CDK14: variants seen among roughly 807,000 people sequenced by gnomAD.
CDK14 encodes cyclin dependent kinase 14, also known as cyclin-dependent kinase 14.
Under a neutral mutation model 60.7 loss-of-function variants are expected in CDK14, and 34 were observed. That is an observed-to-expected ratio of 0.56 (90% confidence interval 0.43 to 0.75). The LOEUF (loss-of-function observed/expected upper bound fraction) is 0.75. Among genes scored for constraint, CDK14 ranks in the 30% least tolerant of loss-of-function variants. The pLI is 0.00. For missense variants in CDK14, 482 were observed against 564.1 expected (o/e 0.85, Z 1.47); for synonymous variants, 197 against 203.7 (o/e 0.97, Z 0.28).
chr7:90,722,627 T>TC (rs975545912), intron 2 of CDK14, among the ~76,000 whole-genome samples: 26 of 151,808 alleles, frequency 1.7e-4, no homozygotes, highest in Non-Finnish European at 4.4e-5. Flanking sequence ...AAATTTTTTT[T>TC]TTCTCAAAAA....
intron 6 of CDK14, among the ~76,000 whole-genome samples, chr7:90,865,289 G>A (rs1791140150): frequency 6.6e-6 from 1 of 152,086 alleles, no homozygotes. Context: ...CATTTAGGGT[G>A]GGAAGGTGTA....
At chr7:91,021,964 G>A (rs571478453) in intron 10 of CDK14, among the ~76,000 whole-genome samples, 1 of 152,286 alleles carries the variant, frequency 6.6e-6, no homozygotes, top group East Asian at 1.9e-4. Context: ...AACTAGGACA[G>A]TTCAGCCCCT....
At chr7:90,994,879 A>T (rs978369020) in intron 10 of CDK14, among the ~76,000 whole-genome samples, 1 of 152,158 alleles carries the variant, frequency 6.6e-6, no homozygotes, top group Non-Finnish European at 1.5e-5. Flanking sequence ...CAGATTCCCT[A>T]AATGTTCTCC....
At chr7:90,791,615 A>T (rs577397831) in intron 5 of CDK14, among the ~76,000 whole-genome samples, 1 of 152,118 alleles carries the variant, frequency 6.6e-6, no homozygotes, top group African/African-American at 2.4e-5. Context: ...ATTTTTGAAA[A>T]TCTTGTTTCT....
At chr7:91,059,339 T>A (rs1025533910) in intron 11 of CDK14, among the ~76,000 whole-genome samples, 9 of 152,192 alleles carry the variant, frequency 5.9e-5, no homozygotes, top group Non-Finnish European at 1.3e-4. Flanking sequence ...ATTTTGTTGA[T>A]CTTTTCAAAA....
intron 7 of CDK14, among the ~76,000 whole-genome samples, chr7:90,904,324 G>A (rs1382330444): frequency 1.3e-5 from 2 of 152,114 alleles, no homozygotes; most frequent in African/African-American, 4.8e-5. Context: ...AGGAAGCCAA[G>A]TTGCTTGCAC....
chr7:90,709,379 G>A, intron 2 of CDK14: 1 of 1,368,374 alleles, frequency 7.3e-7, no homozygotes, highest in Non-Finnish European at 9.4e-7. Flanking sequence ...TTAAAAAATT[G>A]AATTGAGCAT....
At chr7:91,100,849 T>C (rs1340892627) in intron 12 of CDK14, among the ~76,000 whole-genome samples, 2 of 152,242 alleles carry the variant, frequency 1.3e-5, no homozygotes, top group South Asian at 2.1e-4. Flanking sequence ...AGAATGTCAG[T>C]GCTAGCATTT....
intron 2 of CDK14, among the ~76,000 whole-genome samples, chr7:90,651,142 G>C (rs1800629553): frequency 6.6e-6 from 1 of 152,074 alleles, no homozygotes; most frequent in Non-Finnish European, 1.5e-5. Context: ...TTGAGCAGTG[G>C]TTTGTAGTTC....
intron 11 of CDK14, among the ~76,000 whole-genome samples, chr7:91,073,727 A>C (rs944382077): frequency 1.3e-5 from 2 of 151,770 alleles, no homozygotes; most frequent in African/African-American, 4.8e-5. Flanking sequence ...AAGAATCAAA[A>C]CCCATCGGTG....
chr7:90,884,177 A>G (rs1791867444), intron 6 of CDK14, among the ~76,000 whole-genome samples: 1 of 152,188 alleles, frequency 6.6e-6, no homozygotes, highest in Admixed American at 6.5e-5. Flanking sequence ...TTTTGTATTT[A>G]GAAAACCCAA....
intron 14 of CDK14, among the ~76,000 whole-genome samples, chr7:91,136,945 A>G: frequency 6.6e-6 from 1 of 152,198 alleles, no homozygotes; most frequent in East Asian, 1.9e-4. Context: ...GCCATCTTCT[A>G]AGAGAAAAGT....
chr7:91,065,186 T>G (rs572910075), intron 11 of CDK14, among the ~76,000 whole-genome samples: 1 of 152,328 alleles, frequency 6.6e-6, no homozygotes, highest in East Asian at 1.9e-4. Context: ...TTCAGATGCT[T>G]TAGCCTCACG....
In CDK14 at chr7:91,112,653, G is replaced by C. The variant is rs373645681; in HGVS notation, c.1266G>C (p.Leu422=). The C allele has an allele frequency of 1.2e-6, 2 of 1,613,634 alleles. No homozygotes were observed. Residue 422 remains leucine, a synonymous_variant, in exon 13 of 15, where the codon CTG becomes CTC. Coordinates refer to ENST00000380050, the MANE Select transcript of CDK14 (RefSeq NM_001287135.2). ...TGAGCCACGAGTATTTTAGTGACCT[G>C]CCGCCACGGCTATGGGAACTCACCG... ...AALSHEYFSD[L]PPRLWELTDM... is the part of the protein sequence containing the mutation.
chr7:90,654,655 T>A (rs187858580), intron 2 of CDK14, among the ~76,000 whole-genome samples: 2 of 152,266 alleles, frequency 1.3e-5, no homozygotes, highest in Non-Finnish European at 1.5e-5. Flanking sequence ...TTTAAAAAAA[T>A]TAATAGGCTT....
intron 10 of CDK14, among the ~76,000 whole-genome samples, chr7:91,016,707 T>C (rs2115849782): frequency 6.6e-6 from 1 of 152,356 alleles, no homozygotes; most frequent in East Asian, 1.9e-4. Flanking sequence ...CCACTGCTAC[T>C]ATGTATGCTA....
At chr7:91,066,224 A>G (rs1053021445) in intron 11 of CDK14, among the ~76,000 whole-genome samples, 3 of 152,222 alleles carry the variant, frequency 2.0e-5, no homozygotes, top group African/African-American at 4.8e-5. Flanking sequence ...ACTCATTTTT[A>G]TATTGATTTA....
Position 90,865,264 on chromosome 7 carries a change from T to C in CDK14, c.639+1995T>C, listed in dbSNP as rs1329002620. Among the ~76,000 whole-genome samples the C allele has an allele frequency of 5.3e-5, 8 of 152,202 alleles. No homozygotes were observed. The East Asian group carries it at 1.3e-3, about 26-fold the overall frequency. ...ACCGCTTCAGTTTGTAGAAATTTCTTAGGGATAGTCTTCTCATTTAGGGTG... is the reference window on the plus strand; with the variant it reads ...ACCGCTTCAGTTTGTAGAAATTTCTCAGGGATAGTCTTCTCATTTAGGGTG... On this transcript the variant is annotated intron_variant, in intron 6 of 14. Coordinates refer to ENST00000380050, the MANE Select transcript of CDK14 (RefSeq NM_001287135.2).
intron 4 of CDK14, among the ~76,000 whole-genome samples, chr7:90,773,905 T>C (rs1804904340): frequency 5.5e-5 from 1 of 18,182 alleles, no homozygotes; most frequent in African/African-American, 2.6e-4. Context: ...TTTTCTTTCT[T>C]TTTTTTTTTT....
Sources: gnomAD v4.1 joint callset for allele counts (sites outside exome capture counted in the v4.1 genomes callset) on GRCh38, gnomAD v4.1.1 for gene constraint, MANE v1.5 for transcripts, NCBI Gene and HGNC (gene_info 2026-07-23, HGNC 2026-07-21) for gene names.